The following CSMD1 variants were observed in gnomAD, a reference collection of about 807,000 sequenced individuals.
CSMD1 encodes the protein CUB and sushi domain-containing protein 1.
CSMD1 carries 213 observed loss-of-function variants against 417.5 expected under a neutral mutation model. The observed-to-expected ratio is 0.51, with a 90% CI of 0.46 to 0.57. The LOEUF is 0.57. CSMD1 is among the 20% of genes least tolerant of loss of function. CSMD1 has a pLI of 0.00. For synonymous variants in CSMD1, 2,862 were observed against 1,736.8 expected (o/e 1.65, Z -16.11); for missense variants, 6,923 against 4,529.7 (o/e 1.53, Z -15.17).
chr8:4,061,605 T>G (rs1414830558), intron 3 of CSMD1, among the ~76,000 whole-genome samples: 1 of 152,212 alleles, frequency 6.6e-6, no homozygotes, highest in Non-Finnish European at 1.5e-5. Context: ...TTCCAGACAC[T>G]AGGACCTGTT....
intron 43 of CSMD1, among the ~76,000 whole-genome samples, chr8:3,109,099 T>C (rs1340658356): frequency 3.3e-5 from 5 of 152,076 alleles, no homozygotes; most frequent in African/African-American, 9.7e-5. Context: ...ACCCTGTCTC[T>C]ACTAAAATTA....
chr8:3,779,020 G>C (rs181739745), intron 5 of CSMD1, among the ~76,000 whole-genome samples: 14 of 152,252 alleles, frequency 9.2e-5, no homozygotes, highest in African/African-American at 3.1e-4. Flanking sequence ...AGAGACACCA[G>C]AATATTTGCA....
At chr8:3,964,945 T>C (rs956105106) in intron 5 of CSMD1, among the ~76,000 whole-genome samples, 3 of 152,186 alleles carry the variant, frequency 2.0e-5, no homozygotes, top group African/African-American at 7.2e-5. Context: ...TTTGGGGGTT[T>C]ATCCTCGTCA....
chr8:3,944,839 T>A (rs1410255354), intron 5 of CSMD1, among the ~76,000 whole-genome samples: 1 of 152,194 alleles, frequency 6.6e-6, no homozygotes, highest in Admixed American at 6.6e-5. Flanking sequence ...TTAGAGCTAG[T>A]TCTATGAGTT....
At chr8:4,290,817 G>T (rs998482166) in intron 3 of CSMD1, among the ~76,000 whole-genome samples, 1 of 152,102 alleles carries the variant, frequency 6.6e-6, no homozygotes, top group South Asian at 2.1e-4. Flanking sequence ...ATCACAATTT[G>T]TAATTAAAAT....
intron 3 of CSMD1, among the ~76,000 whole-genome samples, chr8:4,049,218 C>T (rs1161133987): frequency 6.6e-6 from 1 of 151,856 alleles, no homozygotes; most frequent in African/African-American, 2.4e-5. Flanking sequence ...ATTCTGATAC[C>T]ATATGTAGAC....
At chr8:4,661,111 T>G (rs898902428) in intron 1 of CSMD1, among the ~76,000 whole-genome samples, 1 of 152,184 alleles carries the variant, frequency 6.6e-6, no homozygotes, top group South Asian at 2.1e-4. Flanking sequence ...CCAATTGTAC[T>G]ACTAGGCATT....
At chr8:3,747,093 G>A (rs1797099767) in intron 6 of CSMD1, among the ~76,000 whole-genome samples, 1 of 152,224 alleles carries the variant, frequency 6.6e-6, no homozygotes, top group Admixed American at 6.5e-5. Context: ...GGAGCAGTAT[G>A]ACAAGTCGGT....
chr8:3,567,645 G>C (rs73179140), intron 10 of CSMD1, among the ~76,000 whole-genome samples: 34,947 of 151,732 alleles, frequency 0.23, 4,337 homozygotes, highest in Non-Finnish European at 0.28. Context: ...CAAATTCCCA[G>C]CCTTGTTTAC....
At chr8:3,436,248 C>G (rs1363550493) in intron 12 of CSMD1, among the ~76,000 whole-genome samples, 1 of 152,184 alleles carries the variant, frequency 6.6e-6, no homozygotes, top group Non-Finnish European at 1.5e-5. Flanking sequence ...TAAAATGTGA[C>G]ATGAGTCTCT....
chr8:3,385,246 T>A (rs981857971), intron 18 of CSMD1, among the ~76,000 whole-genome samples: 1 of 148,878 alleles, frequency 6.7e-6, no homozygotes, highest in Non-Finnish European at 1.5e-5. Flanking sequence ...TGAATGCATA[T>A]GTATGTATAC....
At chr8:3,354,576 ACT>A in intron 21 of CSMD1, among the ~76,000 whole-genome samples, 1 of 152,134 alleles carries the variant, frequency 6.6e-6, no homozygotes, top group Non-Finnish European at 1.5e-5. Flanking sequence ...TTCCATATTT[ACT>A]CACGAAGAAT....
At chr8:3,517,599 G>A (rs527274973) in intron 10 of CSMD1, among the ~76,000 whole-genome samples, 40 of 152,312 alleles carry the variant, frequency 2.6e-4, no homozygotes, top group African/African-American at 8.9e-4. Flanking sequence ...AATACAGGCT[G>A]AGGGAATAAT....
intron 2 of CSMD1, among the ~76,000 whole-genome samples, chr8:4,577,463 T>C (rs1048638457): frequency 2.0e-5 from 3 of 152,156 alleles, no homozygotes; most frequent in African/African-American, 7.2e-5. Flanking sequence ...GCTCCAAGCG[T>C]GCTCCCCTCC....
intron 3 of CSMD1, among the ~76,000 whole-genome samples, chr8:4,047,954 G>C (rs538073785): frequency 3.3e-5 from 5 of 152,154 alleles, no homozygotes; most frequent in African/African-American, 4.8e-5. Flanking sequence ...ATAATGTCAT[G>C]TTGAGTCCTT....
At chr8:3,344,747 T>A (rs1249851588) in intron 22 of CSMD1, among the ~76,000 whole-genome samples, 2 of 152,182 alleles carry the variant, frequency 1.3e-5, no homozygotes, top group African/African-American at 4.8e-5. Flanking sequence ...TGTCTTTCAA[T>A]CAATATATAA....
intron 3 of CSMD1, among the ~76,000 whole-genome samples, chr8:4,300,254 C>T (rs992235952): frequency 5.9e-5 from 9 of 152,204 alleles, no homozygotes; most frequent in Non-Finnish European, 1.3e-4. Context: ...AAACACAGAG[C>T]TTTCTGCATC....
At chr8:4,075,808 C>T (rs938191215) in intron 3 of CSMD1, among the ~76,000 whole-genome samples, 5 of 152,088 alleles carry the variant, frequency 3.3e-5, no homozygotes, top group African/African-American at 4.8e-5. Flanking sequence ...CAGAGCAGTC[C>T]TTCATGGTTG....
In CSMD1 at chr8:4,936,029, T is replaced by A. The variant is rs919087917; in HGVS notation, c.85+58303A>T. 2.0e-5 allele frequency among the ~76,000 whole-genome samples: 3 copies of A among 152,130 alleles called. No homozygotes were observed. The East Asian group carries it at 5.8e-4, about 29-fold the overall frequency. ...TAATAGGAACCCAAAGTGCAATGCATTAGGGAGTGAAGACTTAATCAAAGA... is the reference window on the plus strand; with the variant it reads ...TAATAGGAACCCAAAGTGCAATGCAATAGGGAGTGAAGACTTAATCAAAGA... On this transcript the variant is annotated intron_variant, in intron 1 of 69. Coordinates refer to ENST00000635120, the MANE Select transcript of CSMD1 (RefSeq NM_033225.6).
Sources: allele counts gnomAD v4.1 joint callset (sites outside exome capture counted in the v4.1 genomes callset), GRCh38; gene constraint gnomAD v4.1.1; transcripts MANE v1.5; gene names NCBI Gene and HGNC (gene_info 2026-07-23, HGNC 2026-07-21).